The following HPSE2 variants were observed in gnomAD, a reference collection of about 807,000 sequenced individuals.
The protein encoded by HPSE2 is heparanase 2 (inactive).
A neutral mutation model predicts 60.5 loss-of-function variants in HPSE2; 38 were observed. The observed-to-expected ratio is 0.63, with a 90% CI of 0.48 to 0.82. HPSE2 has a LOEUF of 0.82. Among genes scored for constraint, HPSE2 ranks in the 40% least tolerant of loss-of-function variants. The probability of loss-of-function intolerance (pLI) is 0.00; values close to 1 mark genes in which losing one functional copy is unlikely to be tolerated. For missense variants in HPSE2, 713 were observed against 740.4 expected, an observed-to-expected ratio of 0.96 and a Z score of 0.43; for synonymous variants, 295 against 293.2, an observed-to-expected ratio of 1.01 and a Z score of -0.06.
At chr10:99,307,287 T>C in the HPSE2 span, among the ~76,000 whole-genome samples, 1 of 152,218 alleles carries the variant, frequency 6.6e-6, no homozygotes, top group Non-Finnish European at 1.5e-5. Context: ...CGACCAGGAT[T>C]TATCTGTGTG....
At chr10:98,958,460 A>G (rs933398820) in intron 3 of HPSE2, among the ~76,000 whole-genome samples, 1 of 152,120 alleles carries the variant, frequency 6.6e-6, no homozygotes, top group Non-Finnish European at 1.5e-5. Context: ...ATAAATAATG[A>G]TAATGATTAT....
intron 3 of HPSE2, among the ~76,000 whole-genome samples, chr10:98,755,689 T>G (rs1949862624): frequency 6.6e-6 from 1 of 152,070 alleles, no homozygotes; most frequent in South Asian, 2.1e-4. Flanking sequence ...GCAATACAAA[T>G]AGAAATGAAT....
At chr10:99,182,388 A>G (rs2133834518) in intron 2 of HPSE2, among the ~76,000 whole-genome samples, 1 of 152,294 alleles carries the variant, frequency 6.6e-6, no homozygotes, top group African/African-American at 2.4e-5. Flanking sequence ...TAGATCCAAG[A>G]CTAAAAGCCA....
the HPSE2 span, among the ~76,000 whole-genome samples, chr10:99,257,817 C>T: frequency 6.6e-5 from 10 of 152,192 alleles, no homozygotes; most frequent in South Asian, 4.2e-4. Flanking sequence ...TGGGGCATCA[C>T]GGAACCTGCC....
chr10:98,667,135 A>G (rs1260237692), intron 6 of HPSE2, among the ~76,000 whole-genome samples: 4 of 152,124 alleles, frequency 2.6e-5, no homozygotes, highest in Non-Finnish European at 5.9e-5. Flanking sequence ...ATCCTCAGGG[A>G]CTATTATGAA....
At chr10:98,607,884 T>A (rs1945638430) in intron 9 of HPSE2, among the ~76,000 whole-genome samples, 1 of 152,172 alleles carries the variant, frequency 6.6e-6, no homozygotes, top group Non-Finnish European at 1.5e-5. Flanking sequence ...ATGTTTATTA[T>A]CTTACCACAG....
At chr10:98,571,061 CA>C (rs1183400772) in intron 9 of HPSE2, among the ~76,000 whole-genome samples, 2 of 152,104 alleles carry the variant, frequency 1.3e-5, no homozygotes, top group Non-Finnish European at 2.9e-5. Flanking sequence ...TGTACTAGTG[CA>C]ATCGAAGATT....
intron 7 of HPSE2, among the ~76,000 whole-genome samples, chr10:98,622,205 T>C (rs1946092399): frequency 6.6e-6 from 1 of 152,118 alleles, no homozygotes; most frequent in Non-Finnish European, 1.5e-5. Flanking sequence ...AAAGGTTTAG[T>C]GTTAAATTAA....
At chr10:98,812,279 T>C (rs925614473) in intron 3 of HPSE2, among the ~76,000 whole-genome samples, 1 of 152,162 alleles carries the variant, frequency 6.6e-6, no homozygotes, top group Non-Finnish European at 1.5e-5. Context: ...CATAAGAGAT[T>C]ATCTGGTGGT....
the HPSE2 span, among the ~76,000 whole-genome samples, chr10:99,257,207 G>A: frequency 1.3e-5 from 2 of 152,172 alleles, no homozygotes; most frequent in Non-Finnish European, 2.9e-5. Context: ...TGTAGAGCAT[G>A]TGTGTTTGAA....
In HPSE2 at chr10:99,044,854, C is replaced by CA. The variant is rs532504765; in HGVS notation, c.610+99383dup. On this transcript the variant is annotated intron_variant, in intron 3 of 11. Transcript: ENST00000370552. The stretch of plus-strand genomic sequence containing the variant: ...ATATACACACTTACATTGGGGCACT[C>CA]AGATTCATAAAACAAGTTCTTCTTG... Among the ~76,000 whole-genome samples, 11 of 152,288 alleles carry CA rather than the reference C, an allele frequency of 7.2e-5. No homozygotes were observed. The South Asian group carries it at 2.3e-3, about 32-fold the overall frequency.
chr10:99,207,480 G>A lies in HPSE2; in HGVS notation c.448+24868C>T, dbSNP rs769693481. Among the ~76,000 whole-genome samples the A allele has an allele frequency of 4.6e-5, 7 of 152,150 alleles. No individual in the cohort carries two copies. In the South Asian group the frequency reaches 1.2e-3, roughly 27 times the overall value. ...TAAAAATCACTGATAAAAGGGAGTC[G>A]AATTCAGAAAAATACTGTAATGATA... On this transcript the variant is annotated intron_variant, in intron 2 of 11. Coordinates refer to ENST00000370552, the MANE Select transcript of HPSE2 (RefSeq NM_021828.5).
rs1445403726 is a variant in HPSE2 at position 98,458,241 on chromosome 10, TCTC to T, written c.*1330_*1332del. 2.0e-5 allele frequency: 3 copies of T among 152,110 alleles called. No individual in the cohort carries two copies. Among genetic ancestry groups the T allele is most frequent in the Non-Finnish European group, 4.4e-5 (3 of 68,012 alleles). 9.4% of individuals were successfully genotyped at this position (152,110 alleles called of 1,614,324 possible). A position where few individuals can be genotyped will look rare whatever the true frequency, so the allele number is the denominator to read the frequency against. On this transcript the variant is annotated 3_prime_UTR_variant, in exon 12 of 12. Transcript: ENST00000370552. The stretch of plus-strand genomic sequence containing the variant: ...GTCTCACTTGGAACAGTGTCAAATC[TCTC>T]CTCCTTCTAACAAAAGCATCATTCC...
At chr10:99,229,149 G>A (rs921350788) in intron 2 of HPSE2, among the ~76,000 whole-genome samples, 2 of 151,538 alleles carry the variant, frequency 1.3e-5, no homozygotes, top group Non-Finnish European at 2.9e-5. Flanking sequence ...CCTCTAGCCT[G>A]GGCAAAAGAG....
At chr10:99,215,258 T>C (rs1425320557) in intron 2 of HPSE2, among the ~76,000 whole-genome samples, 4 of 152,174 alleles carry the variant, frequency 2.6e-5, no homozygotes, top group Non-Finnish European at 4.4e-5. Flanking sequence ...ATGTGGTACA[T>C]ATACACCAAG....
chr10:98,599,197 G>C (rs758068052), intron 9 of HPSE2, among the ~76,000 whole-genome samples: 1 of 152,150 alleles, frequency 6.6e-6, no homozygotes. Flanking sequence ...ATGGGTGTCA[G>C]CCTGGTGCCT....
chr10:99,236,932 G>C (rs969159504), upstream of HPSE2, among the ~76,000 whole-genome samples: 2 of 152,150 alleles, frequency 1.3e-5, no homozygotes, highest in Non-Finnish European at 2.9e-5. Flanking sequence ...CCTCCTGCAG[G>C]GAAGTGCGCC....
intron 9 of HPSE2, among the ~76,000 whole-genome samples, chr10:98,551,613 C>A (rs1943867221): frequency 6.6e-6 from 1 of 152,130 alleles, no homozygotes; most frequent in Non-Finnish European, 1.5e-5. Flanking sequence ...CTCATTCATC[C>A]CAATTGTGGC....
the HPSE2 span, among the ~76,000 whole-genome samples, chr10:99,266,700 G>A: frequency 2.6e-5 from 4 of 152,078 alleles, no homozygotes; most frequent in South Asian, 4.1e-4. Flanking sequence ...AACACAAAAC[G>A]AGTACAATAA....
Sources: allele counts gnomAD v4.1 joint callset (sites outside exome capture counted in the v4.1 genomes callset), GRCh38; gene constraint gnomAD v4.1.1; transcripts MANE v1.5; gene names NCBI Gene and HGNC (gene_info 2026-07-23, HGNC 2026-07-21).